The following HMGN3 variants were observed in gnomAD, a reference collection of about 807,000 sequenced individuals.
HMGN3 encodes high mobility group nucleosome-binding domain-containing protein 3.
HMGN3 carries 6 observed loss-of-function variants against 18.8 expected under a neutral mutation model. The observed-to-expected ratio is 0.32, with a 90% CI of 0.18 to 0.63. The LOEUF is 0.63. Among genes scored for constraint, HMGN3 ranks in the 30% least tolerant of loss-of-function variants. The probability of loss-of-function intolerance (pLI) is 0.79; values close to 1 mark genes in which losing one functional copy is unlikely to be tolerated. For synonymous variants in HMGN3, 40 were observed against 36.5 expected (o/e 1.10, Z -0.35); for missense variants, 107 against 114.2 (o/e 0.94, Z 0.29).
intron 1 of HMGN3, among the ~76,000 whole-genome samples, chr6:79,221,272 T>C (rs1010790180): frequency 1.3e-5 from 2 of 152,208 alleles, no homozygotes; most frequent in Non-Finnish European, 2.9e-5. Flanking sequence ...GTACTGATAA[T>C]GAAGGCACTG....
intron 1 of HMGN3, among the ~76,000 whole-genome samples, chr6:79,230,895 A>G (rs1694418349): frequency 6.6e-6 from 1 of 152,230 alleles, no homozygotes; most frequent in African/African-American, 2.4e-5. Context: ...AAAATTAACT[A>G]TCACAAACCT....
chr6:79,215,256 T>A (rs895313653), intron 1 of HMGN3, among the ~76,000 whole-genome samples: 1 of 152,232 alleles, frequency 6.6e-6, no homozygotes, highest in Non-Finnish European at 1.5e-5. Context: ...GAAAGAACTA[T>A]GTGATTCCCT....
chr6:79,219,738 T>G (rs1413431151), intron 1 of HMGN3, among the ~76,000 whole-genome samples: 2 of 152,166 alleles, frequency 1.3e-5, no homozygotes, highest in Non-Finnish European at 2.9e-5. Context: ...TTTCACCCTG[T>G]AATTAATGCA....
At chr6:79,211,011 C>CAAATAAAA (rs1776659343) in intron 2 of HMGN3, among the ~76,000 whole-genome samples, 1 of 89,746 alleles carries the variant, frequency 1.1e-5, no homozygotes. Context: ...GAAATTAATG[C>CAAATAAAA]AAAAAAAAAA....
intron 1 of HMGN3, among the ~76,000 whole-genome samples, chr6:79,217,508 C>G (rs552743048): frequency 1.3e-5 from 2 of 152,262 alleles, no homozygotes; most frequent in South Asian, 4.1e-4. Context: ...AATTGTTACA[C>G]AGAGGTTATG....
intron 1 of HMGN3, among the ~76,000 whole-genome samples, chr6:79,224,274 G>C (rs1168525759): frequency 1.3e-5 from 2 of 152,276 alleles, no homozygotes; most frequent in South Asian, 2.1e-4. Context: ...ACCATTCAAA[G>C]TGGTTTGTGT....
chr6:79,219,067 A>G (rs1191917638), intron 1 of HMGN3, among the ~76,000 whole-genome samples: 3 of 152,308 alleles, frequency 2.0e-5, no homozygotes, highest in Non-Finnish European at 2.9e-5. Context: ...GCAAAGACAT[A>G]ATGACTATTT....
chr6:79,218,140 C>T lies in HMGN3; in HGVS notation c.16-3118G>A, dbSNP rs149326023. Among the ~76,000 whole-genome samples, 43 of 152,330 alleles carry T rather than the reference C, an allele frequency of 2.8e-4. 2 individuals are homozygous for T. The highest frequency in any genetic ancestry group is 1.9e-4 in the Non-Finnish European group (13 of 68,030). On this transcript the variant is annotated intron_variant, in intron 1 of 5. Coordinates refer to ENST00000344726, the Ensembl canonical transcript of HMGN3. ...TAAGGAAGCTGCTTATGTGAGGATA[C>T]TCCTGTATGCTCTCACCCTGTACCA... is the stretch of plus-strand genomic sequence containing the variant.
intron 1 of HMGN3, among the ~76,000 whole-genome samples, chr6:79,230,314 C>G (rs1422665424): frequency 6.6e-6 from 1 of 152,108 alleles, no homozygotes; most frequent in Non-Finnish European, 1.5e-5. Context: ...CATGAGGGAC[C>G]TTTGTGGAAT....
chr6:79,223,550 A>T (rs1332210350), intron 1 of HMGN3, among the ~76,000 whole-genome samples: 3 of 151,906 alleles, frequency 2.0e-5, no homozygotes, highest in Non-Finnish European at 1.5e-5. Context: ...ACACCCACAA[A>T]AAACAATTAG....
chr6:79,203,516 G>C, intron 4 of HMGN3, 64 bp downstream of exon 4: 1 of 1,274,142 alleles, frequency 7.8e-7, no homozygotes, highest in Non-Finnish European at 1.1e-6. Context: ...GAATGATTCT[G>C]AGGTAGGGAA....
chr6:79,208,649 T>C (rs1313072633), intron 2 of HMGN3, 73 bp from the exon 3 acceptor site: 8 of 1,096,966 alleles, frequency 7.3e-6, no homozygotes, highest in South Asian at 1.2e-5. Context: ...TAAAAATCTA[T>C]TCTTAATATA....
At chr6:79,221,224 C>T (rs1465427154) in intron 1 of HMGN3, among the ~76,000 whole-genome samples, 1 of 152,144 alleles carries the variant, frequency 6.6e-6, no homozygotes, top group African/African-American at 2.4e-5. Context: ...ATATTGCCTC[C>T]TCTTCTGTAC....
At chr6:79,220,463 T>C (rs572343278) in intron 1 of HMGN3, among the ~76,000 whole-genome samples, 1 of 152,352 alleles carries the variant, frequency 6.6e-6, no homozygotes, top group African/African-American at 2.4e-5. Flanking sequence ...TTTTGTTTTT[T>C]TGAGACGAAG....
chr6:79,232,095 T>C (rs1383936694), intron 1 of HMGN3, among the ~76,000 whole-genome samples: 1 of 152,214 alleles, frequency 6.6e-6, no homozygotes, highest in Non-Finnish European at 1.5e-5. Flanking sequence ...TAGGGGGACA[T>C]TTTAAAAGCT....
chr6:79,204,257 T>C lies in HMGN3; in HGVS notation c.97-627A>G, dbSNP rs9443653. Among the ~76,000 whole-genome samples, 1,505 of 152,316 alleles carry C rather than the reference T, an allele frequency of 9.9e-3. 14 individuals carry two copies. The highest frequency in any genetic ancestry group is 0.034 in the African/African-American group (1,411 of 41,574). On this transcript the variant is annotated intron_variant, in intron 3 of 5. Transcript: ENST00000344726. ...TAAAGGTTTTTATTGAGAACATCAT[T>C]ATAATGATAAAATGTCTACTGTTAG...
intron 1 of HMGN3, among the ~76,000 whole-genome samples, chr6:79,227,312 T>C (rs962121236): frequency 6.6e-6 from 1 of 152,226 alleles, no homozygotes. Flanking sequence ...AGATTAAAGC[T>C]TCTGTTCTTT....
intron 1 of HMGN3, among the ~76,000 whole-genome samples, chr6:79,220,779 A>G (rs944362190): frequency 1.3e-5 from 2 of 152,156 alleles, no homozygotes; most frequent in Admixed American, 6.5e-5. Flanking sequence ...GCACAAATCA[A>G]TATTATGGAT....
intron 1 of HMGN3, among the ~76,000 whole-genome samples, chr6:79,216,138 GAC>G (rs1776970947): frequency 6.6e-6 from 1 of 152,128 alleles, no homozygotes; most frequent in Non-Finnish European, 1.5e-5. Context: ...ATATGAAAAA[GAC>G]ACAGAGAATT....
Sources: allele counts gnomAD v4.1 joint callset (sites outside exome capture counted in the v4.1 genomes callset), GRCh38; gene constraint gnomAD v4.1.1; transcripts MANE v1.5; gene names NCBI Gene and HGNC (gene_info 2026-07-23, HGNC 2026-07-21).